Variants in MAGI2 observed in about 807,000 individuals in gnomAD.
The protein encoded by MAGI2 is membrane associated guanylate kinase, WW and PDZ domain containing 2, also known as membrane-associated guanylate kinase, WW and PDZ domain-containing protein 2.
MAGI2 carries 35 observed loss-of-function variants against 133.3 expected under a neutral mutation model. That is an observed-to-expected ratio of 0.26 (90% CI 0.20 to 0.35). The LOEUF (loss-of-function observed/expected upper bound fraction) is 0.35. Among genes scored for constraint, MAGI2 ranks in the 10% least tolerant of loss-of-function variants. The pLI is 1.00. For synonymous variants in MAGI2, 729 were observed against 710.6 expected, an observed-to-expected ratio of 1.03 and a Z score of -0.41; for missense variants, 1,636 against 1,863.4, an observed-to-expected ratio of 0.88 and a Z score of 2.25.
At chr7:78,754,377 A>G (rs1177525302) in intron 2 of MAGI2, among the ~76,000 whole-genome samples, 52 of 149,740 alleles carry the variant, frequency 3.5e-4, no homozygotes, top group East Asian at 1.4e-3. Flanking sequence ...TCTCAAATAA[A>G]TAAATAAATA....
At chr7:78,031,742 G>A (rs1218307778) in intron 21 of MAGI2, among the ~76,000 whole-genome samples, 2 of 152,288 alleles carry the variant, frequency 1.3e-5, no homozygotes, top group South Asian at 2.1e-4. Context: ...CTTATGTCAC[G>A]GGAGAGATGA....
intron 2 of MAGI2, among the ~76,000 whole-genome samples, chr7:78,822,196 T>C (rs1790185079): frequency 6.6e-6 from 1 of 152,076 alleles, no homozygotes; most frequent in Non-Finnish European, 1.5e-5. Flanking sequence ...GAACAAAGTT[T>C]CCATCCATGA....
At chr7:78,786,388 C>A (rs942707271) in intron 2 of MAGI2, among the ~76,000 whole-genome samples, 10 of 152,182 alleles carry the variant, frequency 6.6e-5, no homozygotes, top group African/African-American at 2.4e-4. Context: ...AAGTCCAATC[C>A]TATGGGTCCT....
intron 7 of MAGI2, among the ~76,000 whole-genome samples, chr7:78,362,504 C>A (rs989406185): frequency 6.6e-6 from 1 of 152,056 alleles, no homozygotes; most frequent in Non-Finnish European, 1.5e-5. Flanking sequence ...AGCTAGGAGA[C>A]CCCCTAACTT....
intron 1 of MAGI2, among the ~76,000 whole-genome samples, chr7:79,167,789 A>G (rs1825092763): frequency 6.6e-6 from 1 of 152,078 alleles, no homozygotes; most frequent in African/African-American, 2.4e-5. Flanking sequence ...AGTCCCCCCA[A>G]AATCTGGCCA....
At chr7:79,088,534 G>A (rs1056333203) in intron 1 of MAGI2, among the ~76,000 whole-genome samples, 7 of 151,876 alleles carry the variant, frequency 4.6e-5, no homozygotes, top group East Asian at 1.9e-4. Context: ...TGGCCAGAAC[G>A]TCCAATAATA....
chr7:78,389,520 C>T (rs916032494), intron 6 of MAGI2, among the ~76,000 whole-genome samples: 5 of 152,048 alleles, frequency 3.3e-5, no homozygotes, highest in African/African-American at 1.2e-4. Context: ...ATGATGTGTC[C>T]GCTGTGGCAC....
intron 9 of MAGI2, among the ~76,000 whole-genome samples, chr7:78,288,626 G>T (rs1185546409): frequency 6.6e-6 from 1 of 152,192 alleles, no homozygotes; most frequent in Non-Finnish European, 1.5e-5. Context: ...TGGAGTTTGA[G>T]ATCTGAGACT....
chr7:78,885,995 G>A (rs1396053429), intron 2 of MAGI2, among the ~76,000 whole-genome samples: 1 of 152,130 alleles, frequency 6.6e-6, no homozygotes, highest in Non-Finnish European at 1.5e-5. Flanking sequence ...CCAATCTACT[G>A]CTGTAAGACA....
At chr7:78,239,661 AAC>A (rs1790925796) in intron 10 of MAGI2, among the ~76,000 whole-genome samples, 1 of 152,262 alleles carries the variant, frequency 6.6e-6, no homozygotes, top group Non-Finnish European at 1.5e-5. Context: ...GAAATTGCTC[AAC>A]ATCACTAATC....
chr7:78,233,527 A>G (rs1790197673), intron 10 of MAGI2, among the ~76,000 whole-genome samples: 1 of 152,160 alleles, frequency 6.6e-6, no homozygotes, highest in African/African-American at 2.4e-5. Flanking sequence ...AAGAATCACT[A>G]TCTTTATGAT....
intron 16 of MAGI2, 27 bp from the exon 17 acceptor site, chr7:78,135,233 A>G: frequency 1.3e-6 from 2 of 1,570,390 alleles, no homozygotes; most frequent in Non-Finnish European, 1.8e-6. Flanking sequence ...AGAAATAGGT[A>G]TCAGGGACAT....
chr7:79,424,752 T>C (rs1318824315), intron 1 of MAGI2, among the ~76,000 whole-genome samples: 1 of 152,206 alleles, frequency 6.6e-6, no homozygotes, highest in African/African-American at 2.4e-5. Flanking sequence ...ATAGTCTATA[T>C]TCACTCAGAA....
intron 2 of MAGI2, among the ~76,000 whole-genome samples, chr7:78,984,192 T>C (rs1010237682): frequency 1.1e-4 from 17 of 151,976 alleles, no homozygotes; most frequent in Admixed American, 2.6e-4. Flanking sequence ...CCTCCACTGT[T>C]GCCCCTTGGT....
In MAGI2 at chr7:79,391,540, C is replaced by CATATATATATATATATATATAT. The variant is rs1198335417; in HGVS notation, c.301+61458_301+61479dup. Among the ~76,000 whole-genome samples the CATATATATATATATATATATAT allele has an allele frequency of 8.6e-5, 4 of 46,696 alleles. No homozygotes were observed. In the East Asian group the frequency reaches 1.7e-3, roughly 19 times the overall value. The allele number at this position is 46,696 out of a possible 152,430, so 30.6% of individuals were successfully genotyped here. On this transcript the variant is annotated intron_variant, in intron 1 of 21. Transcript: ENST00000354212. ...ATATATATATATATATATATATAGACATATATATATATATATATATATACA... is the reference window on the plus strand; with the variant it reads ...ATATATATATATATATATATATAGACATATATATATATATATATATATATATATATATATATATATATATACA...
At chr7:78,952,779 C>T (rs1461297033) in intron 2 of MAGI2, among the ~76,000 whole-genome samples, 1 of 152,144 alleles carries the variant, frequency 6.6e-6, no homozygotes, top group Non-Finnish European at 1.5e-5. Flanking sequence ...AGTTTCCTTA[C>T]ATGGTTTGCA....
intron 3 of MAGI2, among the ~76,000 whole-genome samples, chr7:78,527,450 G>A (rs957490589): frequency 6.6e-6 from 1 of 152,140 alleles, no homozygotes; most frequent in East Asian, 1.9e-4. Context: ...TTGATTTAGT[G>A]GTGAGGCTAA....
chr7:79,398,427 A>G (rs1297557486), intron 1 of MAGI2, among the ~76,000 whole-genome samples: 1 of 152,220 alleles, frequency 6.6e-6, no homozygotes, highest in Non-Finnish European at 1.5e-5. Flanking sequence ...CAGTGGGCTC[A>G]AGATGTTTGT....
chr7:78,264,615 G>A (rs1793823349), intron 9 of MAGI2, among the ~76,000 whole-genome samples: 1 of 152,132 alleles, frequency 6.6e-6, no homozygotes, highest in Non-Finnish European at 1.5e-5. Context: ...GAGGTGGGAG[G>A]TGACAGGGCA....
Sources: allele counts gnomAD v4.1 joint callset (sites outside exome capture counted in the v4.1 genomes callset), GRCh38; gene constraint gnomAD v4.1.1; transcripts MANE v1.5; gene names NCBI Gene and HGNC (gene_info 2026-07-23, HGNC 2026-07-21).